Variants in DRC3 observed in about 807,000 individuals in gnomAD.
The protein encoded by DRC3 is leucine rich repeat containing 48.
A neutral mutation model predicts 57.6 loss-of-function variants in DRC3; 45 were observed. The ratio of observed to expected loss-of-function variants is 0.78; its 90% CI spans 0.62 to 1.00. The LOEUF is 1.00. Among genes scored for constraint, DRC3 ranks in the 50% least tolerant of loss-of-function variants. The pLI, the probability that DRC3 is intolerant of heterozygous loss-of-function variation, is 0.00. For missense variants in DRC3, 655 were observed against 675.2 expected, an observed-to-expected ratio of 0.97 and a Z score of 0.33; for synonymous variants, 257 against 272.3, an observed-to-expected ratio of 0.94 and a Z score of 0.55.
At chr17:17,984,394 G>A (rs897876656) in intron 4 of DRC3, among the ~76,000 whole-genome samples, 8 of 134,414 alleles carry the variant, frequency 6.0e-5, no homozygotes, top group African/African-American at 2.4e-4. Context: ...TTCCATATGG[G>A]TCTTTCAGTT....
chr17:18,009,516 A>G (rs1454867081), intron 12 of DRC3, among the ~76,000 whole-genome samples: 1 of 152,242 alleles, frequency 6.6e-6, no homozygotes. Flanking sequence ...TAATCTTCAC[A>G]TCAACACGGA....
In DRC3 at chr17:18,016,544, G is replaced by A. The variant is rs760206026; in HGVS notation, c.1459-14G>A. 2.5e-6 allele frequency: 4 copies of A among 1,589,340 alleles called. No individual in the cohort carries two copies. Among genetic ancestry groups the A allele is most frequent in the Non-Finnish European group, 3.5e-6 (4 of 1,158,390 alleles). Reference sequence around the variant, plus strand: ...ATCTGATGTAAGGAATCGGGCTTTGGTTTCACTCCTCAGATTCACAAGGAT... The same window carrying A: ...ATCTGATGTAAGGAATCGGGCTTTGATTTCACTCCTCAGATTCACAAGGAT... On this transcript the variant is annotated splice_polypyrimidine_tract_variant and intron_variant, in intron 13 of 13. Transcript: ENST00000399187.
At chr17:17,976,306 TCACATTGTGACTGA>T (rs2042384622) in intron 2 of DRC3, among the ~76,000 whole-genome samples, 1 of 152,178 alleles carries the variant, frequency 6.6e-6, no homozygotes, top group African/African-American at 2.4e-5. Context: ...GGAGTCAGCC[TCACATTGTGACTGA>T]CCAAATCTAC....
At chr17:18,001,088 T>A (rs2043713453) in intron 9 of DRC3, among the ~76,000 whole-genome samples, 1 of 151,268 alleles carries the variant, frequency 6.6e-6, no homozygotes, top group African/African-American at 2.4e-5. Flanking sequence ...TTTCTTTTTC[T>A]TTCTTTTTTT....
In DRC3 at chr17:18,016,539, C is replaced by T. The variant is rs774927335; in HGVS notation, c.1459-19C>T. 1 of 1,558,826 alleles carries T rather than the reference C, an allele frequency of 6.4e-7. No individual in the cohort carries two copies. ...CAATGATCTGATGTAAGGAATCGGG[C>T]TTTGGTTTCACTCCTCAGATTCACA... On this transcript the variant is annotated intron_variant, in intron 13 of 13. Coordinates refer to ENST00000399187, the MANE Select transcript of DRC3 (RefSeq NM_031294.4).
intron 11 of DRC3, chr17:18,006,552 AAGG>A: frequency 2.1e-6 from 1 of 475,112 alleles, no homozygotes; most frequent in Admixed American, 3.4e-5. Flanking sequence ...AAGACACTAT[AAGG>A]AGTACATCAG....
chr17:17,975,262 T>C (rs1024816843), intron 2 of DRC3, among the ~76,000 whole-genome samples: 6 of 149,152 alleles, frequency 4.0e-5, no homozygotes, highest in African/African-American at 1.5e-4. Context: ...CAGGCTAGAG[T>C]GCAGTGGTGC....
At chr17:18,016,035 T>C (rs1568555194) in intron 12 of DRC3, 29 bp from the exon 13 acceptor site, 35 of 1,611,330 alleles carry the variant, frequency 2.2e-5, no homozygotes, top group Non-Finnish European at 2.9e-5. Context: ...TGACACACAC[T>C]TTCTCATTGG....
Position 18,016,460 on chromosome 17 carries a change from C to A in DRC3, c.1459-98C>A, listed in dbSNP as rs575842834. The A allele has an allele frequency of 1.7e-3, 1,573 of 922,428 alleles. 3 individuals carry two copies. Among genetic ancestry groups the A allele is most frequent in the Non-Finnish European group, 1.9e-3 (1,150 of 594,556 alleles). 57.1% of individuals were successfully genotyped at this position (922,428 alleles called of 1,614,324 possible). On this transcript the variant is annotated intron_variant, in intron 13 of 13. Transcript: ENST00000399187. ...GCTGAAGCAAATGAGGTTTGCAGAT[C>A]TAAAGGAACTATTTTCCCCTTCCCT...
chr17:17,992,381 G>T (rs563771971), intron 5 of DRC3, among the ~76,000 whole-genome samples: 1 of 152,216 alleles, frequency 6.6e-6, no homozygotes, highest in African/African-American at 2.4e-5. Flanking sequence ...TAGGTGTCAG[G>T]CACTCTTCCA....
rs1338002191 is a variant in DRC3 at position 18,007,100 on chromosome 17, A to G, written c.1279A>G (p.Ile427Val). Residue 427 changes from isoleucine to valine, a missense_variant, in exon 12 of 14, where the codon ATT (isoleucine) becomes GTT (valine). Transcript: ENST00000399187. ...LEISISTLEK[I>V]VEGDLDEDLP... ...GATCTCTATCAGCACCCTGGAGAAG[A>G]TTGTCGAGGGCGACCTGGACGAGGA... The G allele has an allele frequency of 7.5e-6, 9 of 1,198,230 alleles. No homozygotes were observed. In the South Asian group the frequency reaches 1.0e-4, roughly 14 times the overall value. The allele number at this position is 1,198,230 out of a possible 1,614,324, so 74.2% of individuals were successfully genotyped here. A position where few individuals can be genotyped will look rare whatever the true frequency, so the allele number is the denominator to read the frequency against.
intron 12 of DRC3, among the ~76,000 whole-genome samples, chr17:18,014,278 C>T (rs1409379127): frequency 6.6e-6 from 1 of 152,210 alleles, no homozygotes; most frequent in Non-Finnish European, 1.5e-5. Flanking sequence ...TGTGTCTTTA[C>T]AGCCACAAGG....
In DRC3 at chr17:18,000,192, CTCTGTG is replaced by C. The variant is rs1004762723; in HGVS notation, c.999+2560_999+2565del. Among the ~76,000 whole-genome samples, 52 of 50,984 alleles carry C rather than the reference CTCTGTG, an allele frequency of 1.0e-3. No individual in the cohort carries two copies. In the South Asian group the frequency reaches 0.078, roughly 76 times the overall value. 33.4% of individuals were successfully genotyped at this position (50,984 alleles called of 152,430 possible). A position where few individuals can be genotyped will look rare whatever the true frequency, so the allele number is the denominator to read the frequency against. ...ATGCCCTGTTCTGTACTTTGCTTTC[CTCTGTG>C]TGTGTGTGTGTGTGCATAGCATGCC... On this transcript the variant is annotated intron_variant, in intron 9 of 13. Coordinates refer to ENST00000399187, the MANE Select transcript of DRC3 (RefSeq NM_031294.4).
At chr17:17,987,697 C>T (rs1244991657) in intron 4 of DRC3, among the ~76,000 whole-genome samples, 1 of 152,116 alleles carries the variant, frequency 6.6e-6, no homozygotes, top group African/African-American at 2.4e-5. Flanking sequence ...CCACATGTCC[C>T]CAGCCAGGAG....
At chr17:18,000,357 A>AGTGTGT (rs113487468) in intron 9 of DRC3, among the ~76,000 whole-genome samples, 1,902 of 65,300 alleles carry the variant, frequency 0.029, 48 homozygotes, top group African/African-American at 0.088. Context: ...CTTTCACGTG[A>AGTGTGT]GTGTGTGTGT....
Position 17,990,276 on chromosome 17 carries a change from C to T in DRC3, c.444+2178C>T, listed in dbSNP as rs574678995. On this transcript the variant is annotated intron_variant, in intron 5 of 13. Transcript: ENST00000399187. Reference sequence around the variant, plus strand: ...AGCACCGAGTTGTCACTAGCAGTTCCGTTGGGTCAAGCCACAGAGGTGGTG... The same window carrying T: ...AGCACCGAGTTGTCACTAGCAGTTCTGTTGGGTCAAGCCACAGAGGTGGTG... Among the ~76,000 whole-genome samples, 3 of 152,336 alleles carry T rather than the reference C, an allele frequency of 2.0e-5. No homozygotes were observed. The East Asian group carries it at 5.8e-4, about 29-fold the overall frequency.
intron 9 of DRC3, among the ~76,000 whole-genome samples, chr17:18,000,928 T>C (rs1317453833): frequency 6.6e-6 from 1 of 152,066 alleles, no homozygotes; most frequent in East Asian, 1.9e-4. Flanking sequence ...CAGAATAGGG[T>C]CTAACTCCAT....
Position 18,002,182 on chromosome 17 carries a change from T to C in DRC3, c.1000-2181T>C, listed in dbSNP as rs144379364. ...GACTCTGTCTCAAAGAAAAAAAAAA[T>C]CTCCCAGGTTTTCTGCTAGCACTTT... is the stretch of plus-strand genomic sequence containing the variant. On this transcript the variant is annotated intron_variant, in intron 9 of 13. Transcript: ENST00000399187. Among the ~76,000 whole-genome samples, 975 of 152,028 alleles carry C rather than the reference T, an allele frequency of 6.4e-3. 6 individuals carry two copies. Among genetic ancestry groups the C allele is most frequent in the African/African-American group, 0.022 (929 of 41,474 alleles).
intron 3 of DRC3, among the ~76,000 whole-genome samples, chr17:17,982,485 G>T (rs762036096): frequency 7.2e-5 from 11 of 151,956 alleles, no homozygotes; most frequent in Non-Finnish European, 1.6e-4. Flanking sequence ...AAAGTGCTGG[G>T]ATTACAGGCG....
Sources: allele counts gnomAD v4.1 joint callset (sites outside exome capture counted in the v4.1 genomes callset), GRCh38; gene constraint gnomAD v4.1.1; transcripts MANE v1.5; gene names NCBI Gene and HGNC (gene_info 2026-07-23, HGNC 2026-07-21).